GRIK4: variants seen among roughly 807,000 people sequenced by gnomAD.
The protein encoded by GRIK4 is glutamate receptor ionotropic, kainate 4.
A neutral mutation model predicts 104.9 loss-of-function variants in GRIK4; 40 were observed. That is an observed-to-expected ratio of 0.38 (90% CI 0.30 to 0.50). The LOEUF is 0.50. GRIK4 is among the 20% of genes least tolerant of loss of function. The probability of loss-of-function intolerance (pLI) is 0.93; values close to 1 mark genes in which losing one functional copy is unlikely to be tolerated. For missense variants in GRIK4, 1,047 were observed against 1,308.1 expected, an observed-to-expected ratio of 0.80 and a Z score of 3.08; for synonymous variants, 485 against 524.9, an observed-to-expected ratio of 0.92 and a Z score of 1.04.
intron 1 of GRIK4, among the ~76,000 whole-genome samples, chr11:120,536,173 T>C (rs991990616): frequency 5.3e-5 from 8 of 152,206 alleles, no homozygotes; most frequent in Non-Finnish European, 7.3e-5. Context: ...TAAAAAGTAT[T>C]CTAAAGCAAT....
At chr11:120,812,760 C>T (rs1437085677) in intron 4 of GRIK4, among the ~76,000 whole-genome samples, 1 of 152,200 alleles carries the variant, frequency 6.6e-6, no homozygotes, top group East Asian at 1.9e-4. Flanking sequence ...GTGGCAACGT[C>T]CAGCAGGTGG....
chr11:120,539,945 G>A (rs889210875), intron 1 of GRIK4, among the ~76,000 whole-genome samples: 4 of 152,194 alleles, frequency 2.6e-5, no homozygotes, highest in African/African-American at 9.7e-5. Flanking sequence ...CTAGGACTTT[G>A]TCACAGTGGA....
intron 1 of GRIK4, among the ~76,000 whole-genome samples, chr11:120,568,848 A>G (rs980814174): frequency 4.7e-4 from 71 of 152,360 alleles, no homozygotes; most frequent in Non-Finnish European, 8.4e-4. Flanking sequence ...GGAAATGAGC[A>G]AAGCCCTTCT....
chr11:120,674,978 G>A (rs1950076458), intron 3 of GRIK4, among the ~76,000 whole-genome samples: 2 of 152,220 alleles, frequency 1.3e-5, no homozygotes, highest in Non-Finnish European at 2.9e-5. Context: ...TGGAGCTGCT[G>A]GAGTTTCTGA....
At chr11:120,664,909 A>G (rs1308169175) in intron 3 of GRIK4, among the ~76,000 whole-genome samples, 8 of 152,140 alleles carry the variant, frequency 5.3e-5, no homozygotes, top group Non-Finnish European at 2.9e-5. Flanking sequence ...TATTGCAGCA[A>G]TTGAATCTCT....
At chr11:120,780,450 A>G (rs767036131) in intron 3 of GRIK4, among the ~76,000 whole-genome samples, 4 of 152,196 alleles carry the variant, frequency 2.6e-5, no homozygotes, top group Non-Finnish European at 4.4e-5. Context: ...TCCTTGTAGT[A>G]TGTGTCAGAA....
chr11:120,761,401 C>A (rs1187581572), intron 3 of GRIK4, among the ~76,000 whole-genome samples: 1 of 152,204 alleles, frequency 6.6e-6, no homozygotes, highest in East Asian at 1.9e-4. Flanking sequence ...TACAGGTTCC[C>A]TGTTCACTCT....
intron 3 of GRIK4, among the ~76,000 whole-genome samples, chr11:120,716,687 G>A (rs1269804272): frequency 6.6e-6 from 1 of 152,112 alleles, no homozygotes; most frequent in Non-Finnish European, 1.5e-5. Context: ...AATAGATGAG[G>A]AGGAATCCCA....
intron 8 of GRIK4, among the ~76,000 whole-genome samples, chr11:120,840,534 C>A (rs1260102397): frequency 1.3e-5 from 2 of 152,072 alleles, no homozygotes; most frequent in Non-Finnish European, 2.9e-5. Context: ...GAGAACTTGA[C>A]AGGTAAATTG....
chr11:120,677,136 C>T (rs1050243577), intron 3 of GRIK4, among the ~76,000 whole-genome samples: 1 of 152,134 alleles, frequency 6.6e-6, no homozygotes, highest in Non-Finnish European at 1.5e-5. Context: ...ATTATGCCAC[C>T]AGGGAAGAGA....
intron 3 of GRIK4, among the ~76,000 whole-genome samples, chr11:120,707,873 C>T (rs1275787709): frequency 6.6e-6 from 1 of 152,166 alleles, no homozygotes; most frequent in African/African-American, 2.4e-5. Flanking sequence ...CTTGAGCTTC[C>T]TCACAACATG....
At chr11:120,654,981 T>C (rs1396250857) in intron 2 of GRIK4, among the ~76,000 whole-genome samples, 5 of 152,170 alleles carry the variant, frequency 3.3e-5, no homozygotes, top group African/African-American at 7.2e-5. Context: ...TTATGTCTGC[T>C]TAGGTTGTTT....
chr11:120,959,930 G>A (rs1048541508), intron 16 of GRIK4, among the ~76,000 whole-genome samples: 4 of 152,226 alleles, frequency 2.6e-5, no homozygotes, highest in Non-Finnish European at 4.4e-5. Context: ...TGGGGAGGCT[G>A]AGGCAGGAAG....
At chr11:120,925,155 G>A (rs1006731578) in intron 13 of GRIK4, among the ~76,000 whole-genome samples, 3 of 152,174 alleles carry the variant, frequency 2.0e-5, no homozygotes, top group African/African-American at 7.2e-5. Flanking sequence ...GCCTCTAGAA[G>A]TTCTCTATGG....
chr11:120,835,933 T>A (rs1953565643), intron 7 of GRIK4, among the ~76,000 whole-genome samples: 1 of 152,198 alleles, frequency 6.6e-6, no homozygotes, highest in Admixed American at 6.5e-5. Flanking sequence ...TGATGCGCTG[T>A]GATCAAGGGT....
In GRIK4 at chr11:120,550,951, C is replaced by T. The variant is rs113721663; in HGVS notation, c.-159+39064C>T. ...TTTCATTTGTAAGGGCAGGAGACAG[C>T]GGAGCATGCATGAGTGCACAGTGAA... On this transcript the variant is annotated intron_variant, in intron 1 of 20. Coordinates refer to ENST00000527524, the MANE Select transcript of GRIK4 (RefSeq NM_014619.5). 8.3e-3 allele frequency among the ~76,000 whole-genome samples: 1,261 copies of T among 152,090 alleles called. 22 individuals carry two copies. The highest frequency in any genetic ancestry group is 0.029 in the African/African-American group (1,202 of 41,466).
chr11:120,576,072 A>C (rs542690056), intron 1 of GRIK4, among the ~76,000 whole-genome samples: 7 of 152,138 alleles, frequency 4.6e-5, no homozygotes, highest in Non-Finnish European at 1.0e-4. Context: ...AGTGGCCATA[A>C]TTTACTGGGC....
intron 3 of GRIK4, among the ~76,000 whole-genome samples, chr11:120,681,918 G>C (rs757272983): frequency 2.6e-5 from 4 of 152,240 alleles, no homozygotes; most frequent in Admixed American, 6.5e-5. Flanking sequence ...CATAATGCCT[G>C]CTCTTTCAGC....
At position 120,865,493 on chromosome 11, in the gene GRIK4, C is replaced by G. The variant is rs150744419; in HGVS notation, c.906+3373C>G. ...GGTTGGCTAATCCAGACTGGGCCTA[C>G]TTGGGGCCAGTACCTCTCACTCTTC... On this transcript the variant is annotated intron_variant, in intron 9 of 20. Coordinates refer to ENST00000527524, the MANE Select transcript of GRIK4 (RefSeq NM_014619.5). Among the ~76,000 whole-genome samples, 13 of 152,354 alleles carry G rather than the reference C, an allele frequency of 8.5e-5. No individual in the cohort carries two copies. The East Asian group carries it at 2.3e-3, about 27-fold the overall frequency.
Sources: gnomAD v4.1 joint callset for allele counts (sites outside exome capture counted in the v4.1 genomes callset) on GRCh38, gnomAD v4.1.1 for gene constraint, MANE v1.5 for transcripts, NCBI Gene and HGNC (gene_info 2026-07-23, HGNC 2026-07-21) for gene names.